BAZ2B: variants seen among roughly 807,000 people sequenced by gnomAD.
The protein encoded by BAZ2B is bromodomain adjacent to zinc finger domain 2B.
A neutral mutation model predicts 246.0 loss-of-function variants in BAZ2B; 91 were observed. That is an observed-to-expected ratio of 0.37 (90% confidence interval 0.31 to 0.44). BAZ2B has a LOEUF of 0.44. BAZ2B is among the 20% of genes least tolerant of loss of function. BAZ2B has a pLI of 1.00. For synonymous variants in BAZ2B, 855 were observed against 860.0 expected, an observed-to-expected ratio of 0.99 and a Z score of 0.10; for missense variants, 2,332 against 2,533.7, an observed-to-expected ratio of 0.92 and a Z score of 1.71.
At chr2:159,398,992 C>A (rs551207636) in intron 17 of BAZ2B, 98 bp from the exon 18 acceptor site, 1 of 1,105,422 alleles carries the variant, frequency 9.0e-7, no homozygotes. Flanking sequence ...TCACAAGGTA[C>A]GAAACAGTAT....
chr2:159,384,722 A>G (rs2062419421), intron 23 of BAZ2B, among the ~76,000 whole-genome samples: 1 of 152,130 alleles, frequency 6.6e-6, no homozygotes, highest in Admixed American at 6.6e-5. Flanking sequence ...ATTAGCATAC[A>G]ACAAAATAAA....
At chr2:159,693,862 GC>G in the BAZ2B span, 1 of 151,984 alleles carries the variant, frequency 6.6e-6, no homozygotes. Flanking sequence ...GTACTACTGT[GC>G]CCAGCTGAAA....
At chr2:159,346,102 C>T (rs1314291305) in intron 31 of BAZ2B, among the ~76,000 whole-genome samples, 1 of 152,142 alleles carries the variant, frequency 6.6e-6, no homozygotes, top group East Asian at 1.9e-4. Context: ...ACACGAGGCA[C>T]TTTTATACTG....
intron 27 of BAZ2B, among the ~76,000 whole-genome samples, chr2:159,356,390 G>A (rs1223252827): frequency 2.6e-5 from 4 of 152,196 alleles, no homozygotes; most frequent in African/African-American, 4.8e-5. Context: ...CAAACTGGGC[G>A]GAGCCCTCTG....
At chr2:159,511,046 G>A (rs528524116) in intron 2 of BAZ2B, among the ~76,000 whole-genome samples, 2 of 152,166 alleles carry the variant, frequency 1.3e-5, no homozygotes, top group South Asian at 2.1e-4. Context: ...ATTAGTAATA[G>A]CGCAGATTGT....
intron 3 of BAZ2B, among the ~76,000 whole-genome samples, chr2:159,470,714 G>T (rs1027403243): frequency 6.6e-6 from 1 of 152,148 alleles, no homozygotes; most frequent in Admixed American, 6.5e-5. Context: ...AAGAGAAATA[G>T]ATAAATCCAG....
At chr2:159,443,405 A>G (rs1426410367) in intron 6 of BAZ2B, among the ~76,000 whole-genome samples, 1 of 152,190 alleles carries the variant, frequency 6.6e-6, no homozygotes, top group African/African-American at 2.4e-5. Context: ...AATGGCTGAG[A>G]TAAGTACCCC....
At chr2:159,706,136 G>C in the BAZ2B span, among the ~76,000 whole-genome samples, 3 of 130,226 alleles carry the variant, frequency 2.3e-5, no homozygotes, top group Non-Finnish European at 3.5e-5. Flanking sequence ...TGACCATGCA[G>C]AAAGTAAGGT....
intron 26 of BAZ2B, among the ~76,000 whole-genome samples, chr2:159,374,455 G>A (rs766694279): frequency 1.1e-4 from 17 of 152,058 alleles, no homozygotes; most frequent in Non-Finnish European, 1.9e-4. Context: ...TCAATATCAC[G>A]TTTTAAGAGG....
intron 2 of BAZ2B, among the ~76,000 whole-genome samples, chr2:159,531,767 T>C (rs1019760776): frequency 6.6e-6 from 1 of 152,160 alleles, no homozygotes; most frequent in Non-Finnish European, 1.5e-5. Flanking sequence ...ACCTTTGTAA[T>C]ACATCTACAG....
intron 27 of BAZ2B, among the ~76,000 whole-genome samples, chr2:159,369,390 A>C (rs2060573883): frequency 6.6e-6 from 1 of 152,314 alleles, no homozygotes; most frequent in South Asian, 2.1e-4. Context: ...GGCTAAGTAC[A>C]TATTTAACTA....
intron 3 of BAZ2B, chr2:159,462,099 T>C (rs1166037515): frequency 1.9e-5 from 5 of 258,410 alleles, no homozygotes; most frequent in African/African-American, 9.3e-5. Context: ...CTAGGAAACT[T>C]TTTTAAACAG....
chr2:159,663,655 T>C, the BAZ2B span, among the ~76,000 whole-genome samples: 1 of 151,524 alleles, frequency 6.6e-6, no homozygotes, highest in African/African-American at 2.4e-5. Context: ...GAGCAGCTGG[T>C]ATTACAGGCA....
At chr2:159,593,135 AT>A (rs1253072216) in intron 1 of BAZ2B, among the ~76,000 whole-genome samples, 1 of 152,232 alleles carries the variant, frequency 6.6e-6, no homozygotes, top group African/African-American at 2.4e-5. Context: ...AAGAAAATAC[AT>A]GTTCACTTAA....
the BAZ2B span, among the ~76,000 whole-genome samples, chr2:159,709,245 T>C: frequency 6.6e-6 from 1 of 151,508 alleles, no homozygotes; most frequent in East Asian, 1.9e-4. Context: ...CCTGAAAAAA[T>C]TGTTCTCAAT....
chr2:159,543,300 A>AATTT (rs1237827351), intron 2 of BAZ2B, among the ~76,000 whole-genome samples: 1 of 152,194 alleles, frequency 6.6e-6, no homozygotes, highest in Non-Finnish European at 1.5e-5. Flanking sequence ...GAATTGGTAA[A>AATTT]ATAATAAAAA....
intron 31 of BAZ2B, among the ~76,000 whole-genome samples, chr2:159,343,321 C>G (rs922479942): frequency 6.6e-6 from 1 of 152,006 alleles, no homozygotes. Context: ...ACAGAAGAAA[C>G]AGGACACTGG....
intron 30 of BAZ2B, 133 bp downstream of exon 30, chr2:159,348,545 G>A: frequency 1.9e-6 from 2 of 1,056,224 alleles, no homozygotes; most frequent in Non-Finnish European, 2.6e-6. Context: ...TGTTTGATCT[G>A]CGATTGGTTG....
intron 10 of BAZ2B, among the ~76,000 whole-genome samples, chr2:159,430,576 C>CAAT (rs2070904217): frequency 6.6e-6 from 1 of 152,040 alleles, no homozygotes; most frequent in African/African-American, 2.4e-5. Flanking sequence ...GTCCAACTGT[C>CAAT]AATTAAATTC....
Sources: gnomAD v4.1 joint callset for allele counts (sites outside exome capture counted in the v4.1 genomes callset) on GRCh38, gnomAD v4.1.1 for gene constraint, MANE v1.5 for transcripts, NCBI Gene and HGNC (gene_info 2026-07-23, HGNC 2026-07-21) for gene names.